The following COL25A1 variants were observed in gnomAD, a reference collection of about 807,000 sequenced individuals.
COL25A1 encodes collagen alpha-1(XXV) chain.
A neutral mutation model predicts 128.4 loss-of-function variants in COL25A1; 103 were observed. The ratio of observed to expected loss-of-function variants is 0.80; its 90% CI spans 0.68 to 0.94. The LOEUF is 0.94. Among genes scored for constraint, COL25A1 ranks in the 40% least tolerant of loss-of-function variants. The pLI is 0.00. For missense variants in COL25A1, 745 were observed against 840.0 expected (o/e 0.89, Z 1.40); for synonymous variants, 279 against 277.2 (o/e 1.01, Z -0.06).
intron 3 of COL25A1, among the ~76,000 whole-genome samples, chr4:109,080,409 T>C (rs1478283058): frequency 1.3e-5 from 2 of 151,940 alleles, no homozygotes; most frequent in African/African-American, 2.4e-5. Flanking sequence ...TAGAAAAAAA[T>C]ATTAAATTAC....
At chr4:109,001,856 G>A (rs561099652) in intron 6 of COL25A1, among the ~76,000 whole-genome samples, 2 of 150,654 alleles carry the variant, frequency 1.3e-5, no homozygotes, top group Admixed American at 6.7e-5. Flanking sequence ...TGAGAACTCT[G>A]ACACTTTATA....
At chr4:109,184,758 C>T (rs1268602249) in intron 3 of COL25A1, among the ~76,000 whole-genome samples, 2 of 152,200 alleles carry the variant, frequency 1.3e-5, no homozygotes, top group African/African-American at 4.8e-5. Flanking sequence ...TCCGAGGTCA[C>T]GTATAGCAGT....
rs1015155951 is a variant in COL25A1 at position 109,302,271 on chromosome 4, GGC to G, written c.-161_-160del. ...AGCACCCTCCGTCCGGGGACTGGGT[GGC>G]GGTGGGGTAAAAAGCAAGACGAAAC... On this transcript the variant is annotated 5_prime_UTR_variant, in exon 1 of 38. Transcript: ENST00000399132. 9 of 492,768 alleles carry G rather than the reference GGC, an allele frequency of 1.8e-5. No homozygotes were observed. Among genetic ancestry groups the G allele is most frequent in the African/African-American group, 1.8e-4 (9 of 51,296 alleles). The allele number at this position is 492,768 out of a possible 1,614,324, so 30.5% of individuals were successfully genotyped here. A position where few individuals can be genotyped will look rare whatever the true frequency, so the allele number is the denominator to read the frequency against.
At chr4:108,956,505 A>T (rs1248348501) in intron 8 of COL25A1, among the ~76,000 whole-genome samples, 2 of 152,200 alleles carry the variant, frequency 1.3e-5, no homozygotes, top group Non-Finnish European at 2.9e-5. Context: ...TCCCAGGTTC[A>T]AGTGATTCTC....
chr4:109,108,136 C>T (rs1437474608), intron 3 of COL25A1, among the ~76,000 whole-genome samples: 2 of 152,146 alleles, frequency 1.3e-5, no homozygotes, highest in East Asian at 3.8e-4. Flanking sequence ...CCCACTAACT[C>T]GTCATTTAAC....
intron 3 of COL25A1, among the ~76,000 whole-genome samples, chr4:109,178,501 A>C (rs1774305697): frequency 1.3e-5 from 2 of 152,120 alleles, no homozygotes; most frequent in African/African-American, 4.8e-5. Flanking sequence ...AAACTATCTG[A>C]TCTCTGTAAG....
chr4:109,150,465 C>T (rs1197664601), intron 3 of COL25A1, among the ~76,000 whole-genome samples: 1 of 152,116 alleles, frequency 6.6e-6, no homozygotes, highest in African/African-American at 2.4e-5. Context: ...TGTTGCATAG[C>T]AAGAACTTTT....
intron 3 of COL25A1, among the ~76,000 whole-genome samples, chr4:109,268,521 T>C (rs1036346421): frequency 6.6e-6 from 1 of 152,184 alleles, no homozygotes; most frequent in Non-Finnish European, 1.5e-5. Context: ...GGACCTCTTT[T>C]ACCTTTCTGT....
At chr4:109,290,678 G>A (rs1375849422) in intron 3 of COL25A1, among the ~76,000 whole-genome samples, 3 of 152,132 alleles carry the variant, frequency 2.0e-5, no homozygotes, top group South Asian at 2.1e-4. Context: ...CATGTATCAG[G>A]GGCGTCCAAT....
chr4:108,818,404 G>A (rs140926546), intron 36 of COL25A1, among the ~76,000 whole-genome samples: 72 of 151,906 alleles, frequency 4.7e-4, no homozygotes, highest in African/African-American at 1.6e-3. Flanking sequence ...AACCATCAAC[G>A]CAAACATAAA....
At chr4:108,976,211 T>C (rs981296880) in intron 6 of COL25A1, among the ~76,000 whole-genome samples, 1 of 152,220 alleles carries the variant, frequency 6.6e-6, no homozygotes, top group East Asian at 1.9e-4. Flanking sequence ...AGCCAAAAAC[T>C]TCATTATTTT....
intron 31 of COL25A1, chr4:108,834,502 AGT>A: frequency 1.1e-6 from 1 of 917,834 alleles, no homozygotes; most frequent in Non-Finnish European, 1.7e-6. Context: ...CATAATACGC[AGT>A]TACAGGGTTC....
At chr4:109,254,494 T>TAC (rs1780935331) in intron 3 of COL25A1, among the ~76,000 whole-genome samples, 2 of 118,246 alleles carry the variant, frequency 1.7e-5, no homozygotes, top group African/African-American at 7.5e-5. Context: ...TATATATATA[T>TAC]ATATATATAT....
chr4:109,004,487 T>C (rs1201628659), intron 6 of COL25A1, among the ~76,000 whole-genome samples: 1 of 152,102 alleles, frequency 6.6e-6, no homozygotes, highest in Non-Finnish European at 1.5e-5. Context: ...ACGACAGAGT[T>C]TGGATATTTG....
At chr4:108,863,016 G>A (rs572365683) in intron 21 of COL25A1, among the ~76,000 whole-genome samples, 4 of 152,298 alleles carry the variant, frequency 2.6e-5, no homozygotes, top group Admixed American at 6.5e-5. Context: ...AACTAACACA[G>A]CACTTATCAA....
intron 5 of COL25A1, among the ~76,000 whole-genome samples, chr4:109,043,594 A>G (rs1011759409): frequency 2.0e-5 from 3 of 151,536 alleles, no homozygotes; most frequent in Non-Finnish European, 4.4e-5. Context: ...GTTAAAAAAA[A>G]GGTCTCCTGG....
chr4:109,178,624 A>T (rs544322730), intron 3 of COL25A1, among the ~76,000 whole-genome samples: 1 of 152,150 alleles, frequency 6.6e-6, no homozygotes, highest in South Asian at 2.1e-4. Flanking sequence ...GGAGATTGAG[A>T]CTATCCTGGC....
At chr4:109,198,160 A>T (rs1157632300) in intron 3 of COL25A1, among the ~76,000 whole-genome samples, 2 of 152,028 alleles carry the variant, frequency 1.3e-5, no homozygotes, top group Non-Finnish European at 2.9e-5. Context: ...CTGGCCAATG[A>T]TTCCTTCTTT....
chr4:108,866,688 A>G (rs145426007), intron 20 of COL25A1, among the ~76,000 whole-genome samples: 56 of 152,352 alleles, frequency 3.7e-4, no homozygotes, highest in African/African-American at 1.3e-3. Flanking sequence ...TGTCTACACA[A>G]GTGGAAGAAT....
Sources: gnomAD v4.1 joint callset for allele counts (sites outside exome capture counted in the v4.1 genomes callset) on GRCh38, gnomAD v4.1.1 for gene constraint, MANE v1.5 for transcripts, NCBI Gene and HGNC (gene_info 2026-07-23, HGNC 2026-07-21) for gene names.